Variants in RGS7 observed in about 807,000 individuals in gnomAD.
RGS7 encodes regulator of G protein signaling 7.
In RGS7, 27 loss-of-function variants were observed where a neutral mutation model predicts 81.1. The observed-to-expected ratio is 0.33, with a 90% CI of 0.25 to 0.46. The LOEUF is 0.46. Among genes scored for constraint, RGS7 ranks in the 20% least tolerant of loss-of-function variants. The pLI is 1.00. For synonymous variants in RGS7, 208 were observed against 207.7 expected (o/e 1.00, Z -0.01); for missense variants, 396 against 607.4 (o/e 0.65, Z 3.66).
At chr1:241,313,522 C>T (rs746976587) in intron 2 of RGS7, among the ~76,000 whole-genome samples, 4 of 152,246 alleles carry the variant, frequency 2.6e-5, no homozygotes, top group Non-Finnish European at 5.9e-5. Context: ...TGCTCACAGT[C>T]ACCCAAGAGC....
chr1:240,850,382 A>G (rs1414800230), intron 9 of RGS7, among the ~76,000 whole-genome samples: 1 of 152,106 alleles, frequency 6.6e-6, no homozygotes, highest in African/African-American at 2.4e-5. Context: ...GTGATGCTTG[A>G]TGTTATTGTC....
At chr1:241,137,392 A>C (rs1469700553) in intron 2 of RGS7, among the ~76,000 whole-genome samples, 1 of 152,194 alleles carries the variant, frequency 6.6e-6, no homozygotes, top group Non-Finnish European at 1.5e-5. Context: ...TAATGATTTA[A>C]GATATGTAGA....
At chr1:241,298,026 TA>T (rs1293269520) in intron 2 of RGS7, among the ~76,000 whole-genome samples, 1 of 152,158 alleles carries the variant, frequency 6.6e-6, no homozygotes. Flanking sequence ...ATACTTTTTT[TA>T]AAAGTCAGTG....
At chr1:241,201,619 T>C (rs927202521) in intron 2 of RGS7, among the ~76,000 whole-genome samples, 1 of 152,108 alleles carries the variant, frequency 6.6e-6, no homozygotes, top group Non-Finnish European at 1.5e-5. Flanking sequence ...CAACACCACT[T>C]TTTTTTAATA....
At chr1:240,794,620 C>A (rs1362491967) in intron 18 of RGS7, among the ~76,000 whole-genome samples, 1 of 152,164 alleles carries the variant, frequency 6.6e-6, no homozygotes, top group Non-Finnish European at 1.5e-5. Flanking sequence ...CCAGGAGGGA[C>A]ATGACTCAAT....
intron 15 of RGS7, among the ~76,000 whole-genome samples, chr1:240,805,176 A>C (rs1688640843): frequency 6.6e-6 from 1 of 151,722 alleles, no homozygotes; most frequent in Non-Finnish European, 1.5e-5. Context: ...GGAGTTGGAG[A>C]CCAGCCTGGG....
intron 2 of RGS7, among the ~76,000 whole-genome samples, chr1:241,114,757 A>G (rs2065777788): frequency 1.3e-5 from 2 of 152,170 alleles, no homozygotes; most frequent in African/African-American, 4.8e-5. Flanking sequence ...CCCTAAAAGA[A>G]TATGATTATG....
chr1:241,318,992 T>A (rs1049948279), intron 2 of RGS7, among the ~76,000 whole-genome samples: 4 of 152,208 alleles, frequency 2.6e-5, no homozygotes, highest in African/African-American at 9.6e-5. Context: ...CAATTACTCC[T>A]CAGGAAGACA....
intron 2 of RGS7, among the ~76,000 whole-genome samples, chr1:241,296,109 A>T (rs987505192): frequency 6.6e-6 from 1 of 152,148 alleles, no homozygotes; most frequent in Non-Finnish European, 1.5e-5. Flanking sequence ...TTTGGGAATT[A>T]TCTGTATAGA....
intron 2 of RGS7, among the ~76,000 whole-genome samples, chr1:241,208,461 T>A (rs1407706539): frequency 3.3e-5 from 5 of 152,108 alleles, no homozygotes; most frequent in Admixed American, 2.6e-4. Flanking sequence ...TCTACCTGGC[T>A]GATTGAATTT....
At chr1:240,859,113 G>C (rs2147971795) in intron 9 of RGS7, among the ~76,000 whole-genome samples, 1 of 152,248 alleles carries the variant, frequency 6.6e-6, no homozygotes, top group East Asian at 1.9e-4. Flanking sequence ...CTGGGCTGGT[G>C]CTTCCTGTCT....
rs549861818 is a variant in RGS7, at chr1:241,234,143, C to T, written c.78+121556G>A. 2.0e-4 allele frequency among the ~76,000 whole-genome samples: 31 copies of T among 152,258 alleles called. No homozygotes were observed. In the South Asian group the frequency reaches 6.4e-3, roughly 32 times the overall value. On this transcript the variant is annotated intron_variant, in intron 2 of 18. Coordinates refer to ENST00000440928, the MANE Select transcript of RGS7 (RefSeq NM_001364886.1). ...GCGCTACGCTGCATACACTGGGGAA[C>T]GCATGTGTGCATGGACACTGTCATT...
intron 2 of RGS7, among the ~76,000 whole-genome samples, chr1:241,172,981 A>G (rs548994801): frequency 1.3e-5 from 2 of 152,344 alleles, no homozygotes; most frequent in East Asian, 3.9e-4. Flanking sequence ...CATAACTATA[A>G]AGGAAAGCAT....
At chr1:241,217,537 C>T (rs2074641052) in intron 2 of RGS7, among the ~76,000 whole-genome samples, 1 of 152,130 alleles carries the variant, frequency 6.6e-6, no homozygotes, top group Admixed American at 6.5e-5. Flanking sequence ...CAAATGATTT[C>T]AAAACACCCC....
At chr1:241,324,870 T>C (rs2081404466) in intron 2 of RGS7, among the ~76,000 whole-genome samples, 1 of 152,254 alleles carries the variant, frequency 6.6e-6, no homozygotes, top group Non-Finnish European at 1.5e-5. Flanking sequence ...CTTTATACTC[T>C]GACCTAATGA....
At chr1:240,949,329 A>C (rs1260056347) in intron 4 of RGS7, among the ~76,000 whole-genome samples, 4 of 152,132 alleles carry the variant, frequency 2.6e-5, no homozygotes, top group African/African-American at 7.2e-5. Context: ...TTACCCTATT[A>C]GACTTCATTT....
At chr1:240,799,279 GTCTATGTT>G (rs767603978) in intron 18 of RGS7, among the ~76,000 whole-genome samples, 2 of 143,840 alleles carry the variant, frequency 1.4e-5, no homozygotes, top group African/African-American at 5.7e-5. Flanking sequence ...GTGTGTGTGT[GTCTATGTT>G]TGTGTGTGTG....
intron 2 of RGS7, among the ~76,000 whole-genome samples, chr1:241,147,780 T>TTATATACATA (rs2068429655): frequency 2.2e-5 from 1 of 44,604 alleles, no homozygotes; most frequent in Non-Finnish European, 4.5e-5. Context: ...AGATTAAGTT[T>TTATATACATA]TATATATATA....
At chr1:240,975,485 C>G (rs962875742) in intron 4 of RGS7, among the ~76,000 whole-genome samples, 1 of 152,088 alleles carries the variant, frequency 6.6e-6, no homozygotes, top group African/African-American at 2.4e-5. Context: ...AGACTCATTT[C>G]AAATCTTAGC....
Sources: allele counts gnomAD v4.1 joint callset (sites outside exome capture counted in the v4.1 genomes callset), GRCh38; gene constraint gnomAD v4.1.1; transcripts MANE v1.5; gene names NCBI Gene and HGNC (gene_info 2026-07-23, HGNC 2026-07-21).